POGZ: variants seen among roughly 807,000 people sequenced by gnomAD.
POGZ encodes pogo transposable element derived with ZNF domain, also known as pogo transposable element with ZNF domain.
In POGZ, 17 loss-of-function variants were observed where a neutral mutation model predicts 134.6. The ratio of observed to expected loss-of-function variants is 0.13; its 90% CI spans 0.09 to 0.19. POGZ has a LOEUF of 0.19. POGZ is among the 10% of genes least tolerant of loss of function. The pLI, the probability that POGZ is intolerant of heterozygous loss-of-function variation, is 1.00. For synonymous variants in POGZ, 693 were observed against 657.1 expected (o/e 1.05, Z -0.84); for missense variants, 1,306 against 1,769.7 (o/e 0.74, Z 4.70).
intron 1 of POGZ, among the ~76,000 whole-genome samples, chr1:151,456,900 T>C (rs1440044857): frequency 6.6e-6 from 1 of 152,128 alleles, no homozygotes; most frequent in Non-Finnish European, 1.5e-5. Context: ...AATAGAATAA[T>C]AAATTTTACT....
At chr1:151,437,597 C>T (rs1571512354) in intron 3 of POGZ, among the ~76,000 whole-genome samples, 2 of 152,102 alleles carry the variant, frequency 1.3e-5, no homozygotes, top group South Asian at 4.2e-4. Context: ...ACTAAAAATA[C>T]AGAAATTAGC....
At chr1:151,408,871 G>C (rs769364387) in intron 12 of POGZ, 43 bp from the exon 13 acceptor site, 1 of 1,577,018 alleles carries the variant, frequency 6.3e-7, no homozygotes, top group African/African-American at 1.4e-5. Flanking sequence ...TCCCTTAAAG[G>C]TTCCTAATAA....
rs1390065958 is a variant in POGZ at position 151,404,476 on chromosome 1, T to C, written c.*326A>G. On this transcript the variant is annotated 3_prime_UTR_variant, in exon 19 of 19. Transcript: ENST00000271715. The stretch of plus-strand genomic sequence containing the variant: ...AAATTTAACATTTGCCCACAAATAA[T>C]TTTTTTTCTTTTTCTTAATTTTGTC... 2.0e-6 allele frequency: 2 copies of C among 1,022,760 alleles called. No individual in the cohort carries two copies. The highest frequency in any genetic ancestry group is 2.3e-6 in the Non-Finnish European group (2 of 853,024). The allele number at this position is 1,022,760 out of a possible 1,614,324, so 63.4% of individuals were successfully genotyped here. A position where few individuals can be genotyped will look rare whatever the true frequency, so the allele number is the denominator to read the frequency against.
intron 10 of POGZ, among the ~76,000 whole-genome samples, chr1:151,418,392 G>C (rs1035411821): frequency 1.3e-5 from 2 of 151,988 alleles, no homozygotes; most frequent in Middle Eastern, 3.2e-3. Context: ...AAAAAAAGTA[G>C]ATCTCATGGA....
chr1:151,429,364 G>A (rs1658325153), intron 5 of POGZ: 2 of 276,624 alleles, frequency 7.2e-6, no homozygotes. Context: ...AAAAATGACT[G>A]TAAACTCTGT....
At position 151,441,088 on chromosome 1, in the gene POGZ, T is replaced by C; in HGVS notation, c.125-2A>G. On this transcript the variant is annotated splice_acceptor_variant, in intron 2 of 18. Transcript: ENST00000271715. LOFTEE classifies it high-confidence loss of function. Reference sequence around the variant, plus strand: ...AGACTGGCTGCTGGCTCACAGAAACTGTGGGGAAGGGGAGGCATAGTCACT... The same window carrying C: ...AGACTGGCTGCTGGCTCACAGAAACCGTGGGGAAGGGGAGGCATAGTCACT... 6.2e-7 allele frequency: 1 copy of C among 1,612,910 alleles called. No individual in the cohort carries two copies. The highest frequency in any genetic ancestry group is 2.2e-5 in the East Asian group (1 of 44,852).
At chr1:151,440,782 C>T (rs558044704) in intron 3 of POGZ, 146 bp downstream of exon 3, 215 of 630,444 alleles carry the variant, frequency 3.4e-4, no homozygotes, top group Middle Eastern at 5.9e-4. Flanking sequence ...AAATCACTTC[C>T]GTATCAGAGA....
At chr1:151,417,640 G>A (rs1303008999) in intron 10 of POGZ, among the ~76,000 whole-genome samples, 1 of 150,826 alleles carries the variant, frequency 6.6e-6, no homozygotes, top group African/African-American at 2.4e-5. Flanking sequence ...GGGAGTACAG[G>A]CGTGAGCCAC....
intron 10 of POGZ, among the ~76,000 whole-genome samples, chr1:151,419,685 A>AAC (rs1656534238): frequency 6.7e-6 from 1 of 150,324 alleles, no homozygotes; most frequent in Non-Finnish European, 1.5e-5. Context: ...AAAAAAAAAA[A>AAC]AAAAAAAAAA....
At chr1:151,418,148 G>A (rs1190822331) in intron 10 of POGZ, among the ~76,000 whole-genome samples, 1 of 152,008 alleles carries the variant, frequency 6.6e-6, no homozygotes, top group African/African-American at 2.4e-5. Context: ...CCCAGGAGGT[G>A]GAGGTTGTGG....
chr1:151,449,724 G>A (rs778581412), intron 1 of POGZ, among the ~76,000 whole-genome samples: 12 of 152,034 alleles, frequency 7.9e-5, no homozygotes, highest in African/African-American at 1.2e-4. Flanking sequence ...GTGAAACCCC[G>A]TCTCTATTAA....
chr1:151,408,382 G>A (rs763670657), intron 14 of POGZ, 27 bp downstream of exon 14: 2 of 1,035,164 alleles, frequency 1.9e-6, no homozygotes, highest in African/African-American at 1.7e-5. Context: ...GTCCCCACCC[G>A]CCCAGCACTT....
At chr1:151,431,202 C>A (rs1433575799) in intron 3 of POGZ, among the ~76,000 whole-genome samples, 2 of 152,134 alleles carry the variant, frequency 1.3e-5, no homozygotes, top group Non-Finnish European at 2.9e-5. Context: ...AACAGAAAAA[C>A]AGATGGGTAG....
At position 151,403,230 on chromosome 1, in the gene POGZ, T is replaced by A. The variant is rs1653023572; in HGVS notation, c.*1572A>T. 1.0e-6 allele frequency: 1 copy of A among 985,302 alleles called. No homozygotes were observed. Among genetic ancestry groups the A allele is most frequent in the East Asian group, 1.1e-4 (1 of 8,822 alleles). The allele number at this position is 985,302 out of a possible 1,614,324, so 61.0% of individuals were successfully genotyped here. On this transcript the variant is annotated 3_prime_UTR_variant, in exon 19 of 19. Transcript: ENST00000271715. ...AAAACAAACAAACAAAAAAGCAGGG[T>A]GGGGTGGGAGAAATGGGTGGTAACA...
chr1:151,425,273 C>G, intron 7 of POGZ: 4 of 419,366 alleles, frequency 9.5e-6, no homozygotes, highest in South Asian at 8.7e-5. Context: ...ACGACCACAG[C>G]TCACTGCAGC....
chr1:151,437,614 T>C (rs1659840793), intron 3 of POGZ, among the ~76,000 whole-genome samples: 1 of 151,920 alleles, frequency 6.6e-6, no homozygotes, highest in South Asian at 2.1e-4. Flanking sequence ...TAGCCGAGCA[T>C]GGCAGCGCAT....
intron 1 of POGZ, among the ~76,000 whole-genome samples, chr1:151,445,378 C>T (rs980187272): frequency 4.0e-5 from 6 of 151,676 alleles, no homozygotes; most frequent in Non-Finnish European, 7.4e-5. Flanking sequence ...AAAAATTAGC[C>T]GGACATGGTG....
intron 3 of POGZ, among the ~76,000 whole-genome samples, chr1:151,439,620 G>C (rs1418473495): frequency 6.6e-6 from 1 of 152,168 alleles, no homozygotes; most frequent in Non-Finnish European, 1.5e-5. Flanking sequence ...AGCATCATTT[G>C]TAATCACAAA....
Position 151,405,657 on chromosome 1 carries a change from A to G in POGZ, c.3378T>C (p.Asp1126=), listed in dbSNP as rs1352329615. ...DLPLSMIVAI[D]EISLFLDTEV... is the part of the protein sequence containing the mutation. ...CTGTATCCAGGAACAAAGAGATCTCATCAATAGCCACAATCATAGACAAGG... is the reference window on the plus strand; with the variant it reads ...CTGTATCCAGGAACAAAGAGATCTCGTCAATAGCCACAATCATAGACAAGG... The change falls in exon 19 of 19, where the codon GAT becomes GAC. Residue 1126 remains aspartate (D), a synonymous_variant. Transcript: ENST00000271715. The surrounding 1 kb of genome is among the most constrained non-coding windows in gnomAD (Gnocchi z 4.9). 2 of 1,604,064 alleles carry G rather than the reference A, an allele frequency of 1.2e-6. No individual in the cohort carries two copies. Among genetic ancestry groups the G allele is most frequent in the African/African-American group, 2.7e-5 (2 of 74,730 alleles).
Sources: allele counts gnomAD v4.1 joint callset (sites outside exome capture counted in the v4.1 genomes callset), GRCh38; gene constraint gnomAD v4.1.1; non-coding constraint Gnocchi (gnomAD v3.1); transcripts MANE v1.5; gene names NCBI Gene and HGNC (gene_info 2026-07-23, HGNC 2026-07-21).